The following FOXK1 variants were observed in gnomAD, a reference collection of about 807,000 sequenced individuals.
The protein encoded by FOXK1 is forkhead box protein K1.
A neutral mutation model predicts 51.9 loss-of-function variants in FOXK1; 19 were observed. The ratio of observed to expected loss-of-function variants is 0.37; its 90% CI spans 0.26 to 0.54. FOXK1 has a LOEUF of 0.54. Among genes scored for constraint, FOXK1 ranks in the 20% least tolerant of loss-of-function variants. The pLI, the probability that FOXK1 is intolerant of heterozygous loss-of-function variation, is 0.87. For synonymous variants in FOXK1, 537 were observed against 482.6 expected, an observed-to-expected ratio of 1.11 and a Z score of -1.48; for missense variants, 870 against 1,032.7, an observed-to-expected ratio of 0.84 and a Z score of 2.16.
Position 4,754,624 on chromosome 7 carries a change from C to A in FOXK1, c.903+9C>A, listed in dbSNP as rs1311101721. ...GAGGAGACAGCCCCAAGGTCTGAGC[C>A]CACCTGGCGCCGTGGTGCACCTGGT... is the stretch of plus-strand genomic sequence containing the variant. On this transcript the variant is annotated intron_variant, in intron 3 of 8. Coordinates refer to ENST00000328914, the MANE Select transcript of FOXK1 (RefSeq NM_001037165.2). 6.3e-6 allele frequency: 10 copies of A among 1,599,814 alleles called. No individual in the cohort carries two copies. The highest frequency in any genetic ancestry group is 4.4e-5 in the South Asian group (4 of 90,914).
rs372486530 is a variant in FOXK1 at position 4,728,817 on chromosome 7, C to G, written c.561-12021C>G. 2.0e-4 allele frequency among the ~76,000 whole-genome samples: 30 copies of G among 151,400 alleles called. 1 individual carries two copies. The South Asian group carries it at 5.9e-3, about 30-fold the overall frequency. On this transcript the variant is annotated intron_variant, in intron 1 of 8. Coordinates refer to ENST00000328914, the MANE Select transcript of FOXK1 (RefSeq NM_001037165.2). ...AGTGAGCCAGGGAATTCAAGGAAGG[C>G]TGCCTAGATAGAGAAGGGGACCCTG...
In FOXK1 at chr7:4,733,941, C is replaced by G. The variant is rs761896502; in HGVS notation, c.561-6897C>G. Among the ~76,000 whole-genome samples, 4 of 150,258 alleles carry G rather than the reference C, an allele frequency of 2.7e-5. No individual in the cohort carries two copies. The highest frequency in any genetic ancestry group is 5.1e-5 in the African/African-American group (2 of 39,574). Reference sequence around the variant, plus strand: ...CCTCCCAGCACGCGCCAACCCTGGACTTCCCCCAGAGCTCATCTGGGTGGC... The same window carrying G: ...CCTCCCAGCACGCGCCAACCCTGGAGTTCCCCCAGAGCTCATCTGGGTGGC... On this transcript the variant is annotated intron_variant, in intron 1 of 8. Transcript: ENST00000328914. The surrounding 1 kb of genome is among the most constrained non-coding windows in gnomAD (Gnocchi z 5.0).
intron 1 of FOXK1, among the ~76,000 whole-genome samples, chr7:4,701,482 G>A (rs933604148): frequency 3.3e-5 from 5 of 152,196 alleles, no homozygotes; most frequent in South Asian, 2.1e-4. Flanking sequence ...TTGACCGGGC[G>A]TGGTGGCTCA....
intron 5 of FOXK1, among the ~76,000 whole-genome samples, chr7:4,757,656 A>AT (rs1780873440): frequency 2.0e-5 from 3 of 147,042 alleles, no homozygotes; most frequent in Admixed American, 6.7e-5. Context: ...AAAAAAAAAA[A>AT]AAAAAAAAGT....
chr7:4,755,521 A>G lies in FOXK1; in HGVS notation c.1050+138A>G. 1.7e-6 allele frequency: 2 copies of G among 1,170,614 alleles called. No individual in the cohort carries two copies. The highest frequency in any genetic ancestry group is 2.4e-6 in the Non-Finnish European group (2 of 846,754). The allele number at this position is 1,170,614 out of a possible 1,614,324, so 72.5% of individuals were successfully genotyped here. ...GGAACCCTAGCATTTTGTGAGGCCG[A>G]GGCAGGAGGAGGATCAAGACCAGCC... is the stretch of plus-strand genomic sequence containing the variant. On this transcript the variant is annotated intron_variant, in intron 4 of 8. Coordinates refer to ENST00000328914, the MANE Select transcript of FOXK1 (RefSeq NM_001037165.2). This position sits in a 1 kb window ranked among gnomAD's most constrained non-coding sequence, Gnocchi z 6.6.
rs1390588151 is a variant in FOXK1 at position 4,737,467 on chromosome 7, T to A, written c.561-3371T>A. On this transcript the variant is annotated intron_variant, in intron 1 of 8. Coordinates refer to ENST00000328914, the MANE Select transcript of FOXK1 (RefSeq NM_001037165.2). Reference sequence around the variant, plus strand: ...GTGTGTGCGTGCACGTGTGCATGTGTGTGTGTGCGTGGGTGTGGGCGTGTG... The same window carrying A: ...GTGTGTGCGTGCACGTGTGCATGTGAGTGTGTGCGTGGGTGTGGGCGTGTG... 2.0e-5 allele frequency among the ~76,000 whole-genome samples: 3 copies of A among 150,668 alleles called. No individual in the cohort carries two copies. In the South Asian group the frequency reaches 6.2e-4, roughly 31 times the overall value.
At position 4,703,316 on chromosome 7, in the gene FOXK1, G is replaced by A. The variant is rs1490062639; in HGVS notation, c.560+20448G>A. On this transcript the variant is annotated intron_variant, in intron 1 of 8. Transcript: ENST00000328914. The surrounding 1 kb of genome is among the most constrained non-coding windows in gnomAD (Gnocchi z 5.6). Reference sequence around the variant, plus strand: ...GGAGGGAGGGGGAGGACCCGAGGGGGCAGAGCATTTAGGACATGGAGTGGG... The same window carrying A: ...GGAGGGAGGGGGAGGACCCGAGGGGACAGAGCATTTAGGACATGGAGTGGG... 6.6e-6 allele frequency among the ~76,000 whole-genome samples: 1 copy of A among 152,204 alleles called. No homozygotes were observed. Among genetic ancestry groups the A allele is most frequent in the African/African-American group, 2.4e-5 (1 of 41,464 alleles).
At chr7:4,713,426 T>G (rs951663656) in intron 1 of FOXK1, among the ~76,000 whole-genome samples, 1 of 151,914 alleles carries the variant, frequency 6.6e-6, no homozygotes, top group Non-Finnish European at 1.5e-5. Context: ...CACTGCAGCT[T>G]CTGGGCCGGG....
rs1259332728 is a variant in FOXK1, at chr7:4,682,433, C to G, written c.125C>G (p.Ala42Gly). 8 of 981,360 alleles carry G rather than the reference C, an allele frequency of 8.2e-6. No individual in the cohort carries two copies. Among genetic ancestry groups the G allele is most frequent in the Non-Finnish European group, 9.7e-6 (8 of 828,746 alleles). The allele number at this position is 981,360 out of a possible 1,614,324, so 60.8% of individuals were successfully genotyped here. A position where few individuals can be genotyped will look rare whatever the true frequency, so the allele number is the denominator to read the frequency against. Residue 42 changes from alanine to glycine, a missense_variant, in exon 1 of 9, where the codon GCC becomes GGC. Around this residue, in one of 3 missense-constraint regions of FOXK1, gnomAD observed 399 missense variants for 475.6 expected, o/e 0.84. Transcript: ENST00000328914. This position sits in a 1 kb window ranked among gnomAD's most constrained non-coding sequence, Gnocchi z 7.6. Reference sequence around the variant, plus strand: ...TTCCCCGCGGCCGCACCCCCGCCGGCCCCCGCGCAGCCCCAGCCTCCGCCC... The same window carrying G: ...TTCCCCGCGGCCGCACCCCCGCCGGGCCCCGCGCAGCCCCAGCCTCCGCCC... ...AAFPAAAPPP[A>G]PAQPQPPPGP...
chr7:4,764,419 A>T lies in FOXK1; in HGVS notation c.*1955A>T, dbSNP rs1487393382. On this transcript the variant is annotated 3_prime_UTR_variant, in exon 9 of 9. Coordinates refer to ENST00000328914, the MANE Select transcript of FOXK1 (RefSeq NM_001037165.2). ...GAGGTTTCAGAGAAACGGGGGCAGGATGAACACAGCCGGCTGTCCTGGGTG... is the reference window on the plus strand; with the variant it reads ...GAGGTTTCAGAGAAACGGGGGCAGGTTGAACACAGCCGGCTGTCCTGGGTG... The T allele has an allele frequency of 6.5e-6, 1 of 154,472 alleles. No individual in the cohort carries two copies. The highest frequency in any genetic ancestry group is 1.9e-4 in the East Asian group (1 of 5,194). The allele number at this position is 154,472 out of a possible 1,614,324, so 9.6% of individuals were successfully genotyped here.
chr7:4,737,471 T>TGTGCGTGGGTGTGGGCGTGTGC (rs1780568264), intron 1 of FOXK1, among the ~76,000 whole-genome samples: 4 of 150,634 alleles, frequency 2.7e-5, no homozygotes, highest in African/African-American at 9.9e-5. Flanking sequence ...CATGTGTGTG[T>TGTGCGTGGGTGTGGGCGTGTGC]GTGCGTGGGT....
rs1781095787 is a variant in FOXK1, at chr7:4,771,094, G to C, written c.*8630G>C. ...AGGTGGGCGCCCGGCGGGGGGGTGTGGCTGCACCCCAGCACCGGGAGGGGG... is the reference window on the plus strand; with the variant it reads ...AGGTGGGCGCCCGGCGGGGGGGTGTCGCTGCACCCCAGCACCGGGAGGGGG... On this transcript the variant is annotated 3_prime_UTR_variant, in exon 9 of 9. Transcript: ENST00000328914. 6.6e-6 allele frequency: 1 copy of C among 152,582 alleles called. No individual in the cohort carries two copies. Among genetic ancestry groups the C allele is most frequent in the Non-Finnish European group, 1.5e-5 (1 of 68,054 alleles). The allele number at this position is 152,582 out of a possible 1,614,324, so 9.5% of individuals were successfully genotyped here.
chr7:4,762,160 A>G lies in FOXK1; in HGVS notation c.1922-24A>G. The G allele has an allele frequency of 2.6e-6, 4 of 1,537,692 alleles. No individual in the cohort carries two copies. The highest frequency in any genetic ancestry group is 3.5e-6 in the Non-Finnish European group (4 of 1,136,698). ...CTGGGTCCTAACCAGACCCCAGAGT[A>G]ACCCTCTTCTTCCTCCACTCCAGCC... On this transcript the variant is annotated intron_variant, in intron 8 of 8. Transcript: ENST00000328914. This position sits in a 1 kb window ranked among gnomAD's most constrained non-coding sequence, Gnocchi z 5.7.
At chr7:4,702,950 T>C (rs1224076032) in intron 1 of FOXK1, among the ~76,000 whole-genome samples, 1 of 152,148 alleles carries the variant, frequency 6.6e-6, no homozygotes, top group Non-Finnish European at 1.5e-5. Flanking sequence ...GGTTCCTTTG[T>C]CCTCGTCCCC....
chr7:4,721,664 C>T (rs1326448548), intron 1 of FOXK1, among the ~76,000 whole-genome samples: 1 of 140,284 alleles, frequency 7.1e-6, no homozygotes, highest in African/African-American at 2.7e-5. Flanking sequence ...GATCTTGGCT[C>T]ACTGCAACCT....
At chr7:4,738,673 G>A (rs981558733) in intron 1 of FOXK1, among the ~76,000 whole-genome samples, 32 of 152,128 alleles carry the variant, frequency 2.1e-4, no homozygotes, top group Admixed American at 1.3e-3. Flanking sequence ...TCGCTGGGCC[G>A]TGCCTCCCAG....
rs1429076659 is a variant in FOXK1, at chr7:4,730,085, T to A, written c.561-10753T>A. On this transcript the variant is annotated intron_variant, in intron 1 of 8. Transcript: ENST00000328914. This position sits in a 1 kb window ranked among gnomAD's most constrained non-coding sequence, Gnocchi z 4.7. ...CACCGCGTGTCACCGACTCAGCATA[T>A]GGGCTTGAGTATCTCGCTGTCTTTT... Among the ~76,000 whole-genome samples the A allele has an allele frequency of 6.6e-6, 1 of 152,238 alleles. No homozygotes were observed. Among genetic ancestry groups the A allele is most frequent in the Non-Finnish European group, 1.5e-5 (1 of 68,044 alleles).
At chr7:4,696,204 T>G (rs1779949324) in intron 1 of FOXK1, among the ~76,000 whole-genome samples, 1 of 151,296 alleles carries the variant, frequency 6.6e-6, no homozygotes, top group South Asian at 2.1e-4. Context: ...CTGTCTTAAC[T>G]CTCCTTCTTG....
rs377044071 is a variant in FOXK1 at position 4,716,447 on chromosome 7, C to T, written c.561-24391C>T. Among the ~76,000 whole-genome samples, 8 of 152,132 alleles carry T rather than the reference C, an allele frequency of 5.3e-5. No individual in the cohort carries two copies. In the South Asian group the frequency reaches 1.2e-3, roughly 24 times the overall value. Reference sequence around the variant, plus strand: ...CTTGAGCCTGGGAGTTCAGGGCTGCCGTAAGCTATGATGGCACCACTGCTC... The same window carrying T: ...CTTGAGCCTGGGAGTTCAGGGCTGCTGTAAGCTATGATGGCACCACTGCTC... On this transcript the variant is annotated intron_variant, in intron 1 of 8. Transcript: ENST00000328914.
Sources: allele counts gnomAD v4.1 joint callset (sites outside exome capture counted in the v4.1 genomes callset), GRCh38; gene constraint gnomAD v4.1.1; regional missense constraint gnomAD v4.1.1; non-coding constraint Gnocchi (gnomAD v3.1); transcripts MANE v1.5; gene names NCBI Gene and HGNC (gene_info 2026-07-23, HGNC 2026-07-21).